Variants in TMEM63C observed in about 807,000 individuals in gnomAD.
TMEM63C encodes transmembrane protein 63C, also known as osmosensitive cation channel TMEM63C.
Under a neutral mutation model 99.2 loss-of-function variants are expected in TMEM63C, and 32 were observed. The observed-to-expected ratio is 0.32, with a 90% CI of 0.24 to 0.43. The LOEUF is 0.43. Among genes scored for constraint, TMEM63C ranks in the 20% least tolerant of loss-of-function variants. TMEM63C has a pLI of 1.00. For missense variants in TMEM63C, 826 were observed against 1,053.0 expected, an observed-to-expected ratio of 0.78 and a Z score of 2.98; for synonymous variants, 376 against 397.9, an observed-to-expected ratio of 0.94 and a Z score of 0.66.
At chr14:77,192,177 C>G (rs1214142237) in intron 1 of TMEM63C, among the ~76,000 whole-genome samples, 1 of 152,178 alleles carries the variant, frequency 6.6e-6, no homozygotes, top group Non-Finnish European at 1.5e-5. Flanking sequence ...CCTATGTGAG[C>G]CTTTACATCT....
At chr14:77,233,545 T>C (rs778934444) in intron 8 of TMEM63C, 45 bp downstream of exon 8, 6 of 1,601,606 alleles carry the variant, frequency 3.7e-6, no homozygotes, top group Non-Finnish European at 4.3e-6. Flanking sequence ...CTGGGGGTGT[T>C]GGTGTGGAGA....
intron 2 of TMEM63C, among the ~76,000 whole-genome samples, chr14:77,216,705 C>T (rs572241486): frequency 6.6e-6 from 1 of 152,194 alleles, no homozygotes; most frequent in Admixed American, 6.5e-5. Flanking sequence ...AATCTGCCGG[C>T]AAATCTTGTT....
chr14:77,222,568 C>T (rs773132960), intron 5 of TMEM63C, among the ~76,000 whole-genome samples: 2 of 152,316 alleles, frequency 1.3e-5, no homozygotes, highest in South Asian at 2.1e-4. Context: ...GATGCTGTGC[C>T]GTGGCCTGGT....
chr14:77,253,876 C>T (rs999516816), intron 23 of TMEM63C, among the ~76,000 whole-genome samples: 3 of 137,148 alleles, frequency 2.2e-5, no homozygotes, highest in Non-Finnish European at 4.6e-5. Flanking sequence ...GGCCTGCAGG[C>T]TGGGTGCTGT....
chr14:77,254,567 G>A (rs1204110760), intron 23 of TMEM63C, among the ~76,000 whole-genome samples: 2 of 152,144 alleles, frequency 1.3e-5, no homozygotes, highest in South Asian at 2.1e-4. Context: ...TGAGCCTGGC[G>A]CTTTGCTGTT....
intron 1 of TMEM63C, among the ~76,000 whole-genome samples, chr14:77,194,533 C>CTT (rs1172854321): frequency 1.2e-4 from 5 of 41,358 alleles, no homozygotes; most frequent in South Asian, 9.7e-4. Flanking sequence ...TTCTTTCTTT[C>CTT]TTTCTTTCTT....
Position 77,243,053 on chromosome 14 carries a change from G to T in TMEM63C, c.1338G>T (p.Leu446=). ...ACGTCACCCGCCCCATCGAGAAGCT[G>T]CAGGTGCCTCCTCTGCTCAGGCCAG... ...MYNVTRPIEK[L]QNPIVTQFFP... is the part of the protein sequence containing the mutation. The change falls in exon 15 of 24, where the codon CTG becomes CTT. Residue 446 remains leucine, a synonymous_variant. Transcript: ENST00000298351. 6.2e-7 allele frequency: 1 copy of T among 1,613,696 alleles called. No individual in the cohort carries two copies. The highest frequency in any genetic ancestry group is 8.5e-7 in the Non-Finnish European group (1 of 1,179,858).
At chr14:77,194,553 C>CTTTCTTTCTTTTTTTCTTTTTCTT (rs56115104) in intron 1 of TMEM63C, among the ~76,000 whole-genome samples, 1 of 125,048 alleles carries the variant, frequency 8.0e-6, no homozygotes, top group African/African-American at 3.2e-5. Context: ...TTCTTTCTTT[C>CTTTCTTTCTTTTTTTCTTTTTCTT]TCTTTCTTTC....
intron 1 of TMEM63C, among the ~76,000 whole-genome samples, chr14:77,184,666 TG>T (rs1887968253): frequency 6.6e-6 from 1 of 152,168 alleles, no homozygotes; most frequent in Non-Finnish European, 1.5e-5. Context: ...CTGTTTTGCC[TG>T]AGGTGGGGCC....
At position 77,221,542 on chromosome 14, in the gene TMEM63C, C is replaced by T. The variant is rs116052878; in HGVS notation, c.312+1455C>T. Among the ~76,000 whole-genome samples the T allele has an allele frequency of 4.6e-3, 113 of 24,388 alleles. 6 individuals carry two copies. Among genetic ancestry groups the T allele is most frequent in the African/African-American group, 0.015 (53 of 3,510 alleles). The allele number at this position is 24,388 out of a possible 152,430, so 16.0% of individuals were successfully genotyped here. A position where few individuals can be genotyped will look rare whatever the true frequency, so the allele number is the denominator to read the frequency against. On this transcript the variant is annotated intron_variant, in intron 5 of 23. Coordinates refer to ENST00000298351, the MANE Select transcript of TMEM63C (RefSeq NM_020431.4). Reference sequence around the variant, plus strand: ...AGCGCCTCCCCTCCCCCTCTCGCCTCTCACTCATGCCTCCCCTCCCACTCA... The same window carrying T: ...AGCGCCTCCCCTCCCCCTCTCGCCTTTCACTCATGCCTCCCCTCCCACTCA...
chr14:77,239,729 A>G lies in TMEM63C; in HGVS notation c.930+3A>G. ...AGTGCTGGACCTGCTTCAAGGAGGT[A>G]ACTGGCTTGAGCGTTGGGAGCACAG... is the stretch of plus-strand genomic sequence containing the variant. On this transcript the variant is annotated splice_donor_region_variant and intron_variant, in intron 12 of 23. Transcript: ENST00000298351. The G allele has an allele frequency of 6.2e-7, 1 of 1,612,856 alleles. No homozygotes were observed. Among genetic ancestry groups the G allele is most frequent in the Non-Finnish European group, 8.5e-7 (1 of 1,179,640 alleles).
intron 22 of TMEM63C, 66 bp from the exon 23 acceptor site, chr14:77,253,239 C>T: frequency 6.8e-7 from 1 of 1,471,928 alleles, no homozygotes; most frequent in Non-Finnish European, 9.4e-7. Flanking sequence ...AGTTGAGGCT[C>T]CTCTGGATGA....
At chr14:77,232,138 G>A (rs1000955298) in intron 7 of TMEM63C, among the ~76,000 whole-genome samples, 26 of 152,196 alleles carry the variant, frequency 1.7e-4, no homozygotes, top group African/African-American at 6.0e-4. Flanking sequence ...CATTGGAACA[G>A]GGTGAGCCCT....
At chr14:77,252,063 C>T (rs935865576) in intron 22 of TMEM63C, among the ~76,000 whole-genome samples, 165 bp downstream of exon 22, 7 of 136,314 alleles carry the variant, frequency 5.1e-5, no homozygotes, top group East Asian at 2.0e-4. Context: ...TGCATGCATG[C>T]GTGCATGCCT....
At chr14:77,231,071 T>C (rs1338564758) in intron 6 of TMEM63C, among the ~76,000 whole-genome samples, 1 of 152,242 alleles carries the variant, frequency 6.6e-6, no homozygotes, top group Non-Finnish European at 1.5e-5. Flanking sequence ...TATACACCCA[T>C]GAGAGCAGGA....
At chr14:77,214,935 T>C (rs181232221) in intron 2 of TMEM63C, among the ~76,000 whole-genome samples, 43 of 152,298 alleles carry the variant, frequency 2.8e-4, no homozygotes, top group Non-Finnish European at 5.6e-4. Flanking sequence ...CTCACCCATC[T>C]TGCATCTTAT....
intron 1 of TMEM63C, among the ~76,000 whole-genome samples, chr14:77,188,651 T>G (rs1051829862): frequency 6.6e-6 from 1 of 152,156 alleles, no homozygotes; most frequent in South Asian, 2.1e-4. Flanking sequence ...GAGGATTGCT[T>G]GAGCCCAGGA....
intron 1 of TMEM63C, among the ~76,000 whole-genome samples, chr14:77,191,538 C>CTTTTTTTTTTTTTTTTTTTTTTTTTT (rs71125542): frequency 1.2e-4 from 10 of 82,608 alleles, no homozygotes; most frequent in Admixed American, 3.4e-4. Flanking sequence ...TTTTCTTTTT[C>CTTTTTTTTTTTTTTTTTTTTTTTTTT]TTTTTTTTTT....
intron 7 of TMEM63C, among the ~76,000 whole-genome samples, chr14:77,232,490 G>T (rs57701557): frequency 0.018 from 2,712 of 152,098 alleles, 77 homozygotes; most frequent in African/African-American, 0.062. Flanking sequence ...TTTTCACCAT[G>T]TTGGCCAGGC....
Sources: gnomAD v4.1 joint callset for allele counts (sites outside exome capture counted in the v4.1 genomes callset) on GRCh38, gnomAD v4.1.1 for gene constraint, MANE v1.5 for transcripts, NCBI Gene and HGNC (gene_info 2026-07-23, HGNC 2026-07-21) for gene names.